VPS41: variants seen among roughly 807,000 people sequenced by gnomAD.
VPS41 encodes VPS41 subunit of HOPS complex, also known as vacuolar protein sorting-associated protein 41 homolog.
In VPS41, 85 loss-of-function variants were observed where a neutral mutation model predicts 130.9. The ratio of observed to expected loss-of-function variants is 0.65; its 90% confidence interval spans 0.55 to 0.78. The LOEUF is 0.78. Among genes scored for constraint, VPS41 ranks in the 30% least tolerant of loss-of-function variants. VPS41 has a pLI of 0.00. For synonymous variants in VPS41, 335 were observed against 332.9 expected, an observed-to-expected ratio of 1.01 and a Z score of -0.07; for missense variants, 874 against 1,018.7, an observed-to-expected ratio of 0.86 and a Z score of 1.93.
At chr7:38,767,159 A>G (rs1484076058) in intron 15 of VPS41, among the ~76,000 whole-genome samples, 1 of 152,182 alleles carries the variant, frequency 6.6e-6, no homozygotes, top group Non-Finnish European at 1.5e-5. Flanking sequence ...TATTGCTCAC[A>G]GAGTCCTTTA....
chr7:38,895,255 G>A (rs1786956794), intron 2 of VPS41, among the ~76,000 whole-genome samples: 1 of 152,080 alleles, frequency 6.6e-6, no homozygotes, highest in African/African-American at 2.4e-5. Flanking sequence ...CTGGGAGGTG[G>A]AGGTTGCAGT....
intron 2 of VPS41, among the ~76,000 whole-genome samples, chr7:38,875,802 T>A (rs900563269): frequency 6.6e-6 from 1 of 152,234 alleles, no homozygotes; most frequent in Non-Finnish European, 1.5e-5. Flanking sequence ...TACATTCTTA[T>A]ATGAATGCAA....
intron 14 of VPS41, among the ~76,000 whole-genome samples, chr7:38,769,997 C>A (rs781225843): frequency 6.6e-5 from 10 of 152,148 alleles, no homozygotes; most frequent in Non-Finnish European, 1.5e-5. Context: ...CTGCTGTGTG[C>A]AGTGGCTCAT....
intron 25 of VPS41, among the ~76,000 whole-genome samples, chr7:38,738,928 C>A (rs1795826754): frequency 6.6e-6 from 1 of 152,212 alleles, no homozygotes; most frequent in South Asian, 2.1e-4. Context: ...ATGATGCTAA[C>A]CTTCGGTTGA....
At chr7:38,877,223 A>G (rs1460346178) in intron 2 of VPS41, among the ~76,000 whole-genome samples, 1 of 152,192 alleles carries the variant, frequency 6.6e-6, no homozygotes, top group Admixed American at 6.5e-5. Flanking sequence ...CAGCTTTTCT[A>G]AGACATTCTC....
intron 2 of VPS41, among the ~76,000 whole-genome samples, chr7:38,879,501 A>G (rs1397397896): frequency 7.0e-6 from 1 of 143,156 alleles, no homozygotes; most frequent in African/African-American, 2.8e-5. Context: ...CAAATAACAG[A>G]AAAAAAAAAA....
chr7:38,907,258 A>G (rs2116469811), intron 1 of VPS41, among the ~76,000 whole-genome samples: 1 of 152,290 alleles, frequency 6.6e-6, no homozygotes, highest in Middle Eastern at 3.4e-3. Context: ...TCAAAAAGGA[A>G]CAGCATGAGC....
At chr7:38,862,756 T>TG in intron 3 of VPS41, 134 bp from the exon 4 acceptor site, 1 of 600,614 alleles carries the variant, frequency 1.7e-6, no homozygotes, top group Non-Finnish European at 2.9e-6. Flanking sequence ...ATGCATGCCT[T>TG]GGAGAAGGCT....
At chr7:38,823,815 T>G (rs530872366) in intron 5 of VPS41, among the ~76,000 whole-genome samples, 24 of 152,294 alleles carry the variant, frequency 1.6e-4, no homozygotes, top group African/African-American at 5.8e-4. Context: ...ATTCTTCACA[T>G]GGCAAATACA....
intron 2 of VPS41, among the ~76,000 whole-genome samples, chr7:38,888,282 C>T (rs10269756): frequency 0.63 from 95,676 of 151,972 alleles, 31,480 homozygotes; most frequent in East Asian, 0.89. Flanking sequence ...AGGAGACCTA[C>T]CTCACATGCA....
intron 2 of VPS41, among the ~76,000 whole-genome samples, chr7:38,871,274 A>G (rs1049565991): frequency 6.6e-6 from 1 of 152,236 alleles, no homozygotes; most frequent in Non-Finnish European, 1.5e-5. Context: ...CTGCCTATGG[A>G]AGATTATAAG....
chr7:38,796,645 C>T (rs1584400347), intron 8 of VPS41, 100 bp downstream of exon 8: 3 of 1,569,930 alleles, frequency 1.9e-6, no homozygotes, highest in African/African-American at 1.3e-5. Flanking sequence ...GAAATCACCA[C>T]CACAGCAAGT....
chr7:38,879,071 C>T (rs1374827872), intron 2 of VPS41, among the ~76,000 whole-genome samples: 1 of 152,176 alleles, frequency 6.6e-6, no homozygotes, highest in South Asian at 2.1e-4. Context: ...GTGCTGCTGG[C>T]CTTCTACCCC....
chr7:38,809,815 A>G (rs1398671607), intron 7 of VPS41, among the ~76,000 whole-genome samples: 2 of 152,168 alleles, frequency 1.3e-5, no homozygotes, highest in African/African-American at 2.4e-5. Context: ...CAATTTAATG[A>G]TTTGTCAAAG....
intron 14 of VPS41, 118 bp downstream of exon 14, chr7:38,771,080 T>C (rs1030285354): frequency 2.2e-5 from 16 of 743,522 alleles, no homozygotes; most frequent in Non-Finnish European, 3.5e-5. Flanking sequence ...GTTAGGGAAT[T>C]AGTTTAAAAT....
At chr7:38,828,934 G>C (rs551657382) in intron 5 of VPS41, among the ~76,000 whole-genome samples, 1 of 151,990 alleles carries the variant, frequency 6.6e-6, no homozygotes, top group Non-Finnish European at 1.5e-5. Context: ...GTAAAAATTC[G>C]TTTCCAATTT....
At chr7:38,767,657 T>A in intron 14 of VPS41, 59 bp from the exon 15 acceptor site, 1 of 1,322,030 alleles carries the variant, frequency 7.6e-7, no homozygotes. Flanking sequence ...AAAAGTTGAG[T>A]CTCGGTTTCT....
At chr7:38,906,453 T>G (rs1328254572) in intron 1 of VPS41, among the ~76,000 whole-genome samples, 1 of 151,634 alleles carries the variant, frequency 6.6e-6, no homozygotes, top group Non-Finnish European at 1.5e-5. Flanking sequence ...CAAGCAATCC[T>G]CCCACCTCAG....
intron 7 of VPS41, among the ~76,000 whole-genome samples, chr7:38,806,050 A>G (rs771230648): frequency 1.3e-5 from 2 of 152,230 alleles, no homozygotes; most frequent in Non-Finnish European, 2.9e-5. Context: ...GCTAATAAAT[A>G]AAAATGTTCA....
Sources: allele counts gnomAD v4.1 joint callset (sites outside exome capture counted in the v4.1 genomes callset), GRCh38; gene constraint gnomAD v4.1.1; transcripts MANE v1.5; gene names NCBI Gene and HGNC (gene_info 2026-07-23, HGNC 2026-07-21).